The following FGF14 variants were observed in gnomAD, a reference collection of about 807,000 sequenced individuals.
FGF14 encodes fibroblast growth factor 14, also known as fibroblast growth factor homologous factor 4.
A neutral mutation model predicts 25.5 loss-of-function variants in FGF14; 5 were observed. The ratio of observed to expected loss-of-function variants is 0.20; its 90% CI spans 0.10 to 0.41. The LOEUF is 0.41. Ranked by LOEUF, FGF14 falls within the 10% of genes least tolerant of loss-of-function variation. The pLI is 1.00. For synonymous variants in FGF14, 138 were observed against 118.3 expected (o/e 1.17, Z -1.08); for missense variants, 222 against 320.1 (o/e 0.69, Z 2.34).
At position 102,041,150 on chromosome 13, in the gene FGF14, A is replaced by G. The variant is rs182787419; in HGVS notation, c.209-165854T>C. On this transcript the variant is annotated intron_variant, in intron 1 of 4. Transcript: ENST00000376131. ...TTGCCAATCTGAAAAAAAAATTTATATAACTTTCTCTTCACACATATTTTT... is the reference window on the plus strand; with the variant it reads ...TTGCCAATCTGAAAAAAAAATTTATGTAACTTTCTCTTCACACATATTTTT... 5.9e-5 allele frequency among the ~76,000 whole-genome samples: 9 copies of G among 152,260 alleles called. No homozygotes were observed. The East Asian group carries it at 1.2e-3, about 20-fold the overall frequency.
At chr13:101,865,333 G>T (rs1377207737) in intron 3 of FGF14, among the ~76,000 whole-genome samples, 1 of 152,062 alleles carries the variant, frequency 6.6e-6, no homozygotes, top group Non-Finnish European at 1.5e-5. Flanking sequence ...GTGATAAGTG[G>T]TTAAAGTACA....
chr13:102,227,031 C>G (rs2140977995), intron 1 of FGF14, among the ~76,000 whole-genome samples: 1 of 152,216 alleles, frequency 6.6e-6, no homozygotes, highest in Non-Finnish European at 1.5e-5. Flanking sequence ...TATATTCTAT[C>G]AAATTCCTGG....
Position 102,161,617 on chromosome 13 carries a change from AAGAAGAAGAAGAAGAAGAAGAAGAAGAAG to A in FGF14, c.208+239825_208+239853del, listed in dbSNP as rs1566764474. On this transcript the variant is annotated intron_variant, in intron 1 of 4. Transcript: ENST00000376131. ...GAAGAAGAAGAAGAAGAAGAAGAAG[AAGAAGAAGAAGAAGAAGAAGAAGAAGAAG>A]AAGAAGAAGAAGAAGAAGAAGAAGA... Among the ~76,000 whole-genome samples the A allele has an allele frequency of 8.8e-3, 63 of 7,154 alleles. 4 individuals are homozygous for A. The highest frequency in any genetic ancestry group is 0.021 in the South Asian group (3 of 146). The allele number at this position is 7,154 out of a possible 152,430, so 4.7% of individuals were successfully genotyped here.
intron 1 of FGF14, among the ~76,000 whole-genome samples, chr13:101,957,109 A>C (rs957091157): frequency 6.6e-6 from 1 of 152,178 alleles, no homozygotes; most frequent in African/African-American, 2.4e-5. Flanking sequence ...AGGAGGGCCT[A>C]TCTTCCCAGT....
intron 1 of FGF14, among the ~76,000 whole-genome samples, chr13:102,118,374 AT>A (rs2045568462): frequency 1.5e-5 from 2 of 132,034 alleles, no homozygotes; most frequent in African/African-American, 6.2e-5. Context: ...TTTAAAAATA[AT>A]TTTTTTAAAC....
chr13:102,323,013 G>T (rs768073061), intron 1 of FGF14, among the ~76,000 whole-genome samples: 5 of 152,054 alleles, frequency 3.3e-5, no homozygotes, highest in Non-Finnish European at 7.4e-5. Flanking sequence ...TCTTAAACTG[G>T]CAAACAGCTT....
At chr13:101,937,153 C>T (rs2035155370) in intron 1 of FGF14, among the ~76,000 whole-genome samples, 1 of 152,146 alleles carries the variant, frequency 6.6e-6, no homozygotes, top group African/African-American at 2.4e-5. Context: ...AAAATTCTCT[C>T]TTTACATCTA....
intron 1 of FGF14, among the ~76,000 whole-genome samples, chr13:101,954,938 A>C (rs1216684707): frequency 6.6e-6 from 1 of 152,232 alleles, no homozygotes; most frequent in Non-Finnish European, 1.5e-5. Flanking sequence ...CTATGGACTA[A>C]TAATCCCCCA....
chr13:102,023,880 C>T lies in FGF14; in HGVS notation c.209-148584G>A, dbSNP rs2040796668. Among the ~76,000 whole-genome samples the T allele has an allele frequency of 2.6e-5, 4 of 152,080 alleles. No individual in the cohort carries two copies. In the South Asian group the frequency reaches 8.3e-4, roughly 32 times the overall value. On this transcript the variant is annotated intron_variant, in intron 1 of 4. Transcript: ENST00000376131. ...ACAAGGTGTCAATAAACATGGGAAT[C>T]TAAATGAGGTCCCAGTGGGAGAAGA...
chr13:102,251,846 T>G (rs1013857660), intron 1 of FGF14, among the ~76,000 whole-genome samples: 1 of 152,136 alleles, frequency 6.6e-6, no homozygotes, highest in Non-Finnish European at 1.5e-5. Flanking sequence ...CCCCAAACAA[T>G]TTTCCCTTTA....
chr13:102,101,227 C>T (rs1211760369), intron 1 of FGF14, among the ~76,000 whole-genome samples: 1 of 152,144 alleles, frequency 6.6e-6, no homozygotes, highest in African/African-American at 2.4e-5. Flanking sequence ...TCATATTCCT[C>T]AGACTAAGTC....
chr13:102,361,999 T>A (rs2057580036), intron 1 of FGF14, among the ~76,000 whole-genome samples: 1 of 152,140 alleles, frequency 6.6e-6, no homozygotes, highest in Non-Finnish European at 1.5e-5. Flanking sequence ...TCAATTTCCA[T>A]GGCCACTGCC....
In FGF14 at chr13:101,831,368, C is replaced by T. The variant is rs150286676; in HGVS notation, c.408+37357G>A. On this transcript the variant is annotated intron_variant, in intron 3 of 4. Transcript: ENST00000376143. Reference sequence around the variant, plus strand: ...AAGTGCTGAAATTATAGGCATGAGCCACCATACCCAACCTGTTAGTTACTA... The same window carrying T: ...AAGTGCTGAAATTATAGGCATGAGCTACCATACCCAACCTGTTAGTTACTA... Among the ~76,000 whole-genome samples, 1,159 of 152,036 alleles carry T rather than the reference C, an allele frequency of 7.6e-3. 15 individuals carry two copies. The highest frequency in any genetic ancestry group is 0.026 in the African/African-American group (1,097 of 41,464).
intron 1 of FGF14, among the ~76,000 whole-genome samples, chr13:101,984,157 C>T (rs889810216): frequency 2.0e-4 from 30 of 152,156 alleles, no homozygotes; most frequent in African/African-American, 1.2e-4. Context: ...ATGGAATATG[C>T]GCTCGAAAAT....
At chr13:102,274,891 T>TTAA (rs1374216706) in intron 1 of FGF14, among the ~76,000 whole-genome samples, 2 of 151,050 alleles carry the variant, frequency 1.3e-5, no homozygotes, top group Non-Finnish European at 3.0e-5. Flanking sequence ...TCGTCATTAT[T>TTAA]TAATAAATAA....
chr13:101,997,691 T>A (rs1487783151), intron 1 of FGF14, among the ~76,000 whole-genome samples: 1 of 152,136 alleles, frequency 6.6e-6, no homozygotes, highest in Admixed American at 6.5e-5. Flanking sequence ...TTACAAGCTA[T>A]AACATAATTG....
At chr13:102,311,876 CTT>C (rs1227372916) in intron 1 of FGF14, among the ~76,000 whole-genome samples, 1 of 152,158 alleles carries the variant, frequency 6.6e-6, no homozygotes, top group African/African-American at 2.4e-5. Flanking sequence ...TAAAAAGTCT[CTT>C]TCAAATATTG....
intron 1 of FGF14, among the ~76,000 whole-genome samples, chr13:102,161,626 AAGAAGAAGAAG>A (rs2047703630): frequency 1.8e-4 from 2 of 10,844 alleles, no homozygotes. Context: ...GAAGAAGAAG[AAGAAGAAGAAG>A]AAGAAGAAGA....
intron 1 of FGF14, among the ~76,000 whole-genome samples, chr13:102,202,321 C>G (rs1447533446): frequency 6.6e-6 from 1 of 152,268 alleles, no homozygotes; most frequent in East Asian, 1.9e-4. Flanking sequence ...TGCCAAGGGC[C>G]TATAAGGATG....
Sources: gnomAD v4.1 joint callset for allele counts (sites outside exome capture counted in the v4.1 genomes callset) on GRCh38, gnomAD v4.1.1 for gene constraint, MANE v1.5 for transcripts, NCBI Gene and HGNC (gene_info 2026-07-23, HGNC 2026-07-21) for gene names.